CCDC148: variants seen among roughly 807,000 people sequenced by gnomAD.
The protein encoded by CCDC148 is coiled-coil domain-containing protein 148.
Under a neutral mutation model 85.7 loss-of-function variants are expected in CCDC148, and 89 were observed. The observed-to-expected ratio is 1.04, with a 90% confidence interval of 0.87 to 1.24. CCDC148 has a LOEUF of 1.24. Ranked by LOEUF, CCDC148 falls within the 50% of genes most tolerant of loss-of-function variation. The pLI is 0.00. For synonymous variants in CCDC148, 230 were observed against 213.9 expected (o/e 1.08, Z -0.66); for missense variants, 692 against 671.7 (o/e 1.03, Z -0.33).
rs116663347 is a variant in CCDC148 at position 158,343,961 on chromosome 2, C to T, written c.251+1254G>A. ...CCAGGTCAGCCAAAAGAATTATTTC[C>T]CATAATGATATGTATACACCTCTTC... On this transcript the variant is annotated intron_variant, in intron 3 of 13. Coordinates refer to ENST00000283233, the MANE Select transcript of CCDC148 (RefSeq NM_138803.4). Among the ~76,000 whole-genome samples, 1,462 of 152,020 alleles carry T rather than the reference C, an allele frequency of 9.6e-3. 19 individuals carry two copies. Among genetic ancestry groups the T allele is most frequent in the African/African-American group, 0.033 (1,355 of 41,452 alleles).
At chr2:158,394,850 T>C (rs1276936088) in intron 1 of CCDC148, among the ~76,000 whole-genome samples, 1 of 152,020 alleles carries the variant, frequency 6.6e-6, no homozygotes, top group Non-Finnish European at 1.5e-5. Flanking sequence ...TTCACCCTCC[T>C]CCAACGCCAA....
At position 158,235,720 on chromosome 2, in the gene CCDC148, T is replaced by G. The variant is rs182580969; in HGVS notation, c.1252-15007A>C. ...TTTTACTGACTTTCTATTTTAATGA[T>G]TCCTAATAGGAAACAGATGGCACAC... On this transcript the variant is annotated intron_variant, in intron 10 of 13. Transcript: ENST00000283233. 9.6e-4 allele frequency: 147 copies of G among 152,342 alleles called. 1 individual carries two copies. Among genetic ancestry groups the G allele is most frequent in the African/African-American group, 3.4e-3 (141 of 41,590 alleles). 9.4% of individuals were successfully genotyped at this position (152,342 alleles called of 1,614,324 possible).
chr2:158,429,406 A>C (rs1356545148), intron 1 of CCDC148, among the ~76,000 whole-genome samples: 1 of 145,408 alleles, frequency 6.9e-6, no homozygotes, highest in Non-Finnish European at 1.5e-5. Context: ...GATAGATAGG[A>C]ATACTTAGAA....
intron 9 of CCDC148, among the ~76,000 whole-genome samples, chr2:158,307,155 A>T (rs1273036400): frequency 5.3e-5 from 8 of 152,112 alleles, no homozygotes; most frequent in Admixed American, 6.5e-5. Flanking sequence ...GAGACAAGTC[A>T]TTGATTGGGA....
chr2:158,354,217 T>C (rs1272740965), intron 2 of CCDC148, among the ~76,000 whole-genome samples: 1 of 151,668 alleles, frequency 6.6e-6, no homozygotes, highest in Non-Finnish European at 1.5e-5. Context: ...AGGCAAGAAA[T>C]AATGAAAATC....
chr2:158,229,278 A>T (rs1396702045), intron 10 of CCDC148, among the ~76,000 whole-genome samples: 1 of 152,180 alleles, frequency 6.6e-6, no homozygotes, highest in Admixed American at 6.5e-5. Context: ...GGCTCCACTT[A>T]TATAATGTTA....
intron 2 of CCDC148, among the ~76,000 whole-genome samples, chr2:158,355,905 G>T (rs1256924824): frequency 1.5e-5 from 2 of 131,750 alleles, no homozygotes; most frequent in Non-Finnish European, 3.1e-5. Context: ...GAACAGAACA[G>T]AGCCCTCAGA....
At chr2:158,202,987 G>C (rs55927639) in intron 11 of CCDC148, among the ~76,000 whole-genome samples, 1 of 152,258 alleles carries the variant, frequency 6.6e-6, no homozygotes, top group East Asian at 1.9e-4. Context: ...CCATTCAGCA[G>C]AGAGCAGGAG....
chr2:158,202,122 A>G lies in CCDC148; in HGVS notation c.1370+18473T>C, dbSNP rs148102885. On this transcript the variant is annotated intron_variant, in intron 11 of 13. Coordinates refer to ENST00000283233, the MANE Select transcript of CCDC148 (RefSeq NM_138803.4). The stretch of plus-strand genomic sequence containing the variant: ...TCTTCCTTTGCTTGAAATTTTATGA[A>G]TAATTAAAATTTAGAGAAAAAGGTG... Among the ~76,000 whole-genome samples, 384 of 152,336 alleles carry G rather than the reference A, an allele frequency of 2.5e-3. 1 individual carries two copies. Among genetic ancestry groups the G allele is most frequent in the South Asian group, 0.013 (62 of 4,830 alleles).
intron 1 of CCDC148, among the ~76,000 whole-genome samples, chr2:158,390,534 A>T (rs2105296390): frequency 6.6e-6 from 1 of 152,222 alleles, no homozygotes; most frequent in South Asian, 2.1e-4. Flanking sequence ...TTATAAACAA[A>T]ATTCCTTCTC....
intron 7 of CCDC148, among the ~76,000 whole-genome samples, chr2:158,315,501 A>C (rs1385220502): frequency 6.6e-6 from 1 of 152,072 alleles, no homozygotes; most frequent in African/African-American, 2.4e-5. Flanking sequence ...AAAAGTTTGA[A>C]TTTCCACCTT....
intron 7 of CCDC148, among the ~76,000 whole-genome samples, chr2:158,323,203 G>A (rs901197685): frequency 6.6e-6 from 1 of 152,168 alleles, no homozygotes; most frequent in Non-Finnish European, 1.5e-5. Context: ...TTAAAGCTGT[G>A]CTGTCCAAGA....
At chr2:158,247,632 G>A (rs896517162) in intron 10 of CCDC148, among the ~76,000 whole-genome samples, 2 of 152,086 alleles carry the variant, frequency 1.3e-5, no homozygotes, top group African/African-American at 2.4e-5. Flanking sequence ...TGAGGCGGGC[G>A]GATCATCTGA....
chr2:158,232,967 T>C (rs187754288), intron 10 of CCDC148, among the ~76,000 whole-genome samples: 56 of 152,290 alleles, frequency 3.7e-4, no homozygotes, highest in East Asian at 9.6e-4. Flanking sequence ...AGGATGACTA[T>C]AGTTAATCAC....
intron 1 of CCDC148, among the ~76,000 whole-genome samples, chr2:158,388,410 G>A (rs1685176499): frequency 6.6e-6 from 1 of 152,212 alleles, no homozygotes; most frequent in African/African-American, 2.4e-5. Context: ...GAGCTAGAGT[G>A]TGGGATTCCA....
chr2:158,200,854 C>T (rs1433673653), intron 11 of CCDC148, among the ~76,000 whole-genome samples: 1 of 152,104 alleles, frequency 6.6e-6, no homozygotes, highest in Non-Finnish European at 1.5e-5. Flanking sequence ...AAAGTTTCAC[C>T]ATCCATTGAT....
intron 1 of CCDC148, among the ~76,000 whole-genome samples, chr2:158,423,343 A>T (rs930304235): frequency 6.6e-6 from 1 of 152,252 alleles, no homozygotes; most frequent in Non-Finnish European, 1.5e-5. Flanking sequence ...CTACAAGGCT[A>T]CAGTAACCAA....
At chr2:158,371,560 T>C (rs1048777777) in intron 1 of CCDC148, among the ~76,000 whole-genome samples, 2 of 152,008 alleles carry the variant, frequency 1.3e-5, no homozygotes, top group African/African-American at 2.4e-5. Context: ...TAAGTACTTA[T>C]ATATATCCAA....
intron 1 of CCDC148, among the ~76,000 whole-genome samples, chr2:158,410,409 G>A (rs1309585863): frequency 6.6e-6 from 1 of 152,032 alleles, no homozygotes; most frequent in Non-Finnish European, 1.5e-5. Context: ...TTTTCTGCCT[G>A]TTTTGCACTT....
Sources: gnomAD v4.1 joint callset for allele counts (sites outside exome capture counted in the v4.1 genomes callset) on GRCh38, gnomAD v4.1.1 for gene constraint, MANE v1.5 for transcripts, NCBI Gene and HGNC (gene_info 2026-07-23, HGNC 2026-07-21) for gene names.